ZEB1: variants seen among roughly 807,000 people sequenced by gnomAD.
ZEB1 encodes the protein zinc finger E-box binding homeobox 1, also known as zinc finger E-box-binding homeobox 1.
ZEB1 carries 21 observed loss-of-function variants against 84.9 expected under a neutral mutation model. The ratio of observed to expected loss-of-function variants is 0.25; its 90% CI spans 0.18 to 0.36. The LOEUF is 0.36. Ranked by LOEUF, ZEB1 falls within the 10% of genes least tolerant of loss-of-function variation. The pLI, the probability that ZEB1 is intolerant of heterozygous loss-of-function variation, is 1.00. For missense variants in ZEB1, 1,104 were observed against 1,330.2 expected (o/e 0.83, Z 2.65); for synonymous variants, 420 against 471.1 (o/e 0.89, Z 1.41).
intron 1 of ZEB1, among the ~76,000 whole-genome samples, chr10:31,399,958 A>G (rs1046895041): frequency 7.9e-5 from 12 of 152,120 alleles, no homozygotes; most frequent in Non-Finnish European, 8.8e-5. Flanking sequence ...CTTTCCCTGT[A>G]TATCTACAGG....
intron 1 of ZEB1, among the ~76,000 whole-genome samples, chr10:31,337,875 G>A (rs1368444901): frequency 4.0e-5 from 6 of 151,678 alleles, no homozygotes; most frequent in African/African-American, 1.2e-4. Context: ...GTAGAGACAG[G>A]GTTTCACCAT....
At chr10:31,406,821 T>C (rs372424094) in intron 1 of ZEB1, among the ~76,000 whole-genome samples, 1 of 152,158 alleles carries the variant, frequency 6.6e-6, no homozygotes, top group Non-Finnish European at 1.5e-5. Context: ...TTTTTATGGT[T>C]TTAGGTCTTA....
intron 1 of ZEB1, among the ~76,000 whole-genome samples, chr10:31,454,791 C>T (rs2061000522): frequency 6.6e-6 from 1 of 152,162 alleles, no homozygotes; most frequent in Non-Finnish European, 1.5e-5. Flanking sequence ...ACATTCCATG[C>T]TCATGGATAA....
intron 2 of ZEB1, 137 bp downstream of exon 2, chr10:31,461,374 CT>C: frequency 1.1e-6 from 1 of 884,722 alleles, no homozygotes; most frequent in Non-Finnish European, 1.7e-6. Context: ...AGGTGTCCTA[CT>C]TACTAAAAAG....
chr10:31,374,385 C>T (rs1334384142), intron 1 of ZEB1, among the ~76,000 whole-genome samples: 1 of 151,798 alleles, frequency 6.6e-6, no homozygotes, highest in Non-Finnish European at 1.5e-5. Context: ...GAACTAAGTA[C>T]TTGAGATGGC....
intron 1 of ZEB1, among the ~76,000 whole-genome samples, chr10:31,357,279 C>T (rs1435926545): frequency 5.9e-5 from 9 of 152,084 alleles, no homozygotes; most frequent in Non-Finnish European, 1.0e-4. Flanking sequence ...CAGCCATCTG[C>T]GTGTGTATAA....
intron 1 of ZEB1, among the ~76,000 whole-genome samples, chr10:31,460,644 T>C (rs928002621): frequency 6.6e-6 from 1 of 152,150 alleles, no homozygotes; most frequent in African/African-American, 2.4e-5. Context: ...GTTAAAATCC[T>C]GGCTCTGCCA....
intron 2 of ZEB1, among the ~76,000 whole-genome samples, chr10:31,477,276 G>A (rs1051802629): frequency 2.0e-5 from 3 of 151,864 alleles, no homozygotes; most frequent in Non-Finnish European, 4.4e-5. Flanking sequence ...ACCAAATCAC[G>A]AACTCTATCC....
At chr10:31,485,323 A>G (rs948459677) in intron 2 of ZEB1, among the ~76,000 whole-genome samples, 1 of 151,912 alleles carries the variant, frequency 6.6e-6, no homozygotes, top group African/African-American at 2.4e-5. Flanking sequence ...GTAATGCTCT[A>G]GTCGTATACA....
chr10:31,412,142 CCT>C (rs1307369453), intron 1 of ZEB1, among the ~76,000 whole-genome samples: 2 of 152,112 alleles, frequency 1.3e-5, no homozygotes, highest in Admixed American at 6.6e-5. Flanking sequence ...ATCTTATTTT[CCT>C]CTCTTTTTTA....
At chr10:31,449,424 T>C (rs144506241) in intron 1 of ZEB1, among the ~76,000 whole-genome samples, 6,826 of 152,342 alleles carry the variant, frequency 0.045, 227 homozygotes, top group Middle Eastern at 0.082. Flanking sequence ...TATTCGGCCA[T>C]CTTGGCTCCT....
chr10:31,428,475 A>G (rs2057270023), intron 1 of ZEB1, among the ~76,000 whole-genome samples: 2 of 152,182 alleles, frequency 1.3e-5, no homozygotes, highest in African/African-American at 4.8e-5. Context: ...TTTTACTTCC[A>G]ATTATGTGAG....
chr10:31,518,854 C>T (rs1033168906), intron 6 of ZEB1, among the ~76,000 whole-genome samples: 6 of 152,096 alleles, frequency 3.9e-5, no homozygotes, highest in Non-Finnish European at 8.8e-5. Flanking sequence ...TTTCTTAAAT[C>T]TCTTCCAATT....
intron 1 of ZEB1, among the ~76,000 whole-genome samples, chr10:31,449,982 G>C (rs2060351964): frequency 6.6e-6 from 1 of 152,166 alleles, no homozygotes; most frequent in Admixed American, 6.5e-5. Flanking sequence ...AAGGTGACAA[G>C]GCTAGTAAGC....
In ZEB1 at chr10:31,408,683, G is replaced by A. The variant is rs1356202846; in HGVS notation, c.59-52354G>A. Among the ~76,000 whole-genome samples, 8 of 144,614 alleles carry A rather than the reference G, an allele frequency of 5.5e-5. No homozygotes were observed. The South Asian group carries it at 6.6e-4, about 12-fold the overall frequency. The allele number at this position is 144,614 out of a possible 152,430, so 94.9% of individuals were successfully genotyped here. On this transcript the variant is annotated intron_variant, in intron 1 of 8. Transcript: ENST00000424869. ...TTAATAAATGGTGCTGGGAAAACTG[G>A]CTAGCCATATGTAGAAAGCTGAAAC... is the stretch of plus-strand genomic sequence containing the variant.
intron 1 of ZEB1, among the ~76,000 whole-genome samples, chr10:31,377,608 A>G (rs1215741355): frequency 2.0e-5 from 3 of 151,792 alleles, no homozygotes; most frequent in South Asian, 4.1e-4. Flanking sequence ...TGAGTTTTAC[A>G]TGTACTATTT....
At chr10:31,463,552 G>C (rs1239739737) in intron 2 of ZEB1, among the ~76,000 whole-genome samples, 2 of 152,190 alleles carry the variant, frequency 1.3e-5, no homozygotes, top group African/African-American at 4.8e-5. Flanking sequence ...TAGCAGTATG[G>C]ATTATGTCTC....
intron 1 of ZEB1, among the ~76,000 whole-genome samples, chr10:31,340,845 G>C (rs1175808551): frequency 6.6e-6 from 1 of 152,072 alleles, no homozygotes; most frequent in Non-Finnish European, 1.5e-5. Context: ...GTGAGTGCAT[G>C]AGCATTGAAA....
At chr10:31,510,527 TAGAGA>T in intron 4 of ZEB1, 141 bp from the exon 5 acceptor site, 1 of 671,786 alleles carries the variant, frequency 1.5e-6, no homozygotes, top group Non-Finnish European at 2.6e-6. Context: ...TCTTATAAAA[TAGAGA>T]TGAGTATCAT....
Sources: gnomAD v4.1 joint callset for allele counts (sites outside exome capture counted in the v4.1 genomes callset) on GRCh38, gnomAD v4.1.1 for gene constraint, MANE v1.5 for transcripts, NCBI Gene and HGNC (gene_info 2026-07-23, HGNC 2026-07-21) for gene names.